KCNC1: variants seen among roughly 807,000 people sequenced by gnomAD.
KCNC1 encodes the protein potassium voltage-gated channel subfamily C member 1.
KCNC1 carries 8 observed loss-of-function variants against 43.4 expected under a neutral mutation model. The ratio of observed to expected loss-of-function variants is 0.18; its 90% CI spans 0.11 to 0.33. KCNC1 has a LOEUF of 0.33. Ranked by LOEUF, KCNC1 falls within the 10% of genes least tolerant of loss-of-function variation. The probability of loss-of-function intolerance (pLI) is 1.00; values close to 1 mark genes in which losing one functional copy is unlikely to be tolerated. For missense variants in KCNC1, 420 were observed against 836.0 expected, an observed-to-expected ratio of 0.50 and a Z score of 6.14; for synonymous variants, 361 against 360.5, an observed-to-expected ratio of 1.00 and a Z score of -0.01.
intron 1 of KCNC1, among the ~76,000 whole-genome samples, chr11:17,740,315 A>G (rs576621385): frequency 5.3e-5 from 8 of 152,190 alleles, no homozygotes; most frequent in South Asian, 2.1e-4. Context: ...GACAATGATG[A>G]TGGTGGTACT....
intron 2 of KCNC1, 51 bp downstream of exon 2, chr11:17,772,649 T>C: frequency 3.2e-6 from 5 of 1,586,162 alleles, no homozygotes; most frequent in Non-Finnish European, 4.3e-6. Flanking sequence ...CTCTGCCCCC[T>C]GTAGCGATGA....
At position 17,742,274 on chromosome 11, in the gene KCNC1, C is replaced by T. The variant is rs1250897097; in HGVS notation, c.570+5702C>T. 1.3e-5 allele frequency among the ~76,000 whole-genome samples: 2 copies of T among 150,276 alleles called. No individual in the cohort carries two copies. Among genetic ancestry groups the T allele is most frequent in the African/African-American group, 2.5e-5 (1 of 40,528 alleles). On this transcript the variant is annotated intron_variant, in intron 1 of 3. Coordinates refer to ENST00000265969, the MANE Select transcript of KCNC1 (RefSeq NM_001112741.2). This position sits in a 1 kb window ranked among gnomAD's most constrained non-coding sequence, Gnocchi z 4.2. ...CAGGAGGCCTGGCCTCTGCCAGAAG[C>T]TTTGGAGGGGATTGGCTGAAGTCTA... is the stretch of plus-strand genomic sequence containing the variant.
chr11:17,781,352 G>A lies in KCNC1; in HGVS notation c.1694-318G>A, dbSNP rs571684823. Reference sequence around the variant, plus strand: ...GAAGTGTCCCCACCTACATCCATTCGGCCCGCGCTCTCATGGAGCCACGAC... The same window carrying A: ...GAAGTGTCCCCACCTACATCCATTCAGCCCGCGCTCTCATGGAGCCACGAC... On this transcript the variant is annotated intron_variant, in intron 3 of 3. Transcript: ENST00000265969. The surrounding 1 kb of genome is among the most constrained non-coding windows in gnomAD (Gnocchi z 5.1). 2 of 316,754 alleles carry A rather than the reference G, an allele frequency of 6.3e-6. No individual in the cohort carries two copies. Among genetic ancestry groups the A allele is most frequent in the East Asian group, 7.0e-5 (1 of 14,308 alleles). 19.6% of individuals were successfully genotyped at this position (316,754 alleles called of 1,614,324 possible).
At chr11:17,740,008 G>C (rs1180983540) in intron 1 of KCNC1, among the ~76,000 whole-genome samples, 1 of 152,228 alleles carries the variant, frequency 6.6e-6, no homozygotes, top group South Asian at 2.1e-4. Context: ...CCTCAGTAGA[G>C]ATGCTTTTCT....
intron 1 of KCNC1, among the ~76,000 whole-genome samples, chr11:17,754,192 C>A (rs2299637): frequency 0.29 from 44,400 of 151,052 alleles, 6,797 homozygotes; most frequent in African/African-American, 0.37. Context: ...GTAGATACGG[C>A]TCTGCTCTCA....
Position 17,777,447 on chromosome 11 carries a change from C to T in KCNC1, c.1505-2009C>T, listed in dbSNP as rs557370937. The T allele has an allele frequency of 2.5e-4, 251 of 985,964 alleles. No homozygotes were observed. Among genetic ancestry groups the T allele is most frequent in the Non-Finnish European group, 2.8e-4 (233 of 829,990 alleles). The allele number at this position is 985,964 out of a possible 1,614,324, so 61.1% of individuals were successfully genotyped here. A position where few individuals can be genotyped will look rare whatever the true frequency, so the allele number is the denominator to read the frequency against. On this transcript the variant is annotated intron_variant, in intron 2 of 3. Transcript: ENST00000265969. The surrounding 1 kb of genome is among the most constrained non-coding windows in gnomAD (Gnocchi z 4.3). ...GGGCCTCAACCCCCACATCGTCATC[C>T]GCGTCCTCTCCATACTGTTTCCCTC...
Position 17,781,812 on chromosome 11 carries a change from A to C in KCNC1, c.*78A>C. 3.0e-6 allele frequency: 3 copies of C among 1,011,072 alleles called. No homozygotes were observed. Among genetic ancestry groups the C allele is most frequent in the Non-Finnish European group, 4.5e-6 (3 of 660,154 alleles). The allele number at this position is 1,011,072 out of a possible 1,614,324, so 62.6% of individuals were successfully genotyped here. On this transcript the variant is annotated 3_prime_UTR_variant, in exon 4 of 4. Transcript: ENST00000265969. This position sits in a 1 kb window ranked among gnomAD's most constrained non-coding sequence, Gnocchi z 5.1. Reference sequence around the variant, plus strand: ...GCAGCCCCTCCTCACCCTCGGACAGAGTAAATTCACGCCATGCAGGTTTGC... The same window carrying C: ...GCAGCCCCTCCTCACCCTCGGACAGCGTAAATTCACGCCATGCAGGTTTGC...
In KCNC1 at chr11:17,777,335, G is replaced by A. The variant is rs1202797796; in HGVS notation, c.1505-2121G>A. 3 of 985,718 alleles carry A rather than the reference G, an allele frequency of 3.0e-6. No individual in the cohort carries two copies. The highest frequency in any genetic ancestry group is 1.1e-4 in the East Asian group (1 of 8,792). 61.1% of individuals were successfully genotyped at this position (985,718 alleles called of 1,614,324 possible). ...GCAGAGGATGGCCAACAGAGACTCA[G>A]CAAGTCCTCACTCCCCTCCCAGAAG... is the stretch of plus-strand genomic sequence containing the variant. On this transcript the variant is annotated intron_variant, in intron 2 of 3. Coordinates refer to ENST00000265969, the MANE Select transcript of KCNC1 (RefSeq NM_001112741.2). This position sits in a 1 kb window ranked among gnomAD's most constrained non-coding sequence, Gnocchi z 4.3.
chr11:17,762,110 C>A (rs533796011), intron 1 of KCNC1, among the ~76,000 whole-genome samples: 1 of 152,342 alleles, frequency 6.6e-6, no homozygotes, highest in African/African-American at 2.4e-5. Flanking sequence ...GGGACACCCT[C>A]TCCCCTTTTA....
intron 2 of KCNC1, chr11:17,775,319 G>A (rs1049016847): frequency 5.3e-5 from 50 of 935,308 alleles, no homozygotes; most frequent in Non-Finnish European, 5.3e-5. Context: ...AGTGGTGCCA[G>A]CAGCACCTGC....
chr11:17,764,873 A>G lies in KCNC1; in HGVS notation c.571-6792A>G, dbSNP rs571784851. On this transcript the variant is annotated intron_variant, in intron 1 of 3. Coordinates refer to ENST00000265969, the MANE Select transcript of KCNC1 (RefSeq NM_001112741.2). ...GAGGCTAATTCAGTTTCTAAACCCA[A>G]CTCAACTGACAATTTATTTAGGACA... Among the ~76,000 whole-genome samples, 340 of 152,220 alleles carry G rather than the reference A, an allele frequency of 2.2e-3. 1 individual carries two copies. The highest frequency in any genetic ancestry group is 4.3e-3 in the Non-Finnish European group (290 of 68,002).
In KCNC1 at chr11:17,781,448, C is replaced by G. The variant is rs954063265; in HGVS notation, c.1694-222C>G. ...GCATGCAGGTGTGTGAGTCAATGTG[C>G]AGAGCAGAAGTAGGGACTCATCCCA... On this transcript the variant is annotated intron_variant, in intron 3 of 3. Coordinates refer to ENST00000265969, the MANE Select transcript of KCNC1 (RefSeq NM_001112741.2). This position sits in a 1 kb window ranked among gnomAD's most constrained non-coding sequence, Gnocchi z 5.1. The G allele has an allele frequency of 1.9e-6, 1 of 529,114 alleles. No individual in the cohort carries two copies. The highest frequency in any genetic ancestry group is 1.9e-5 in the African/African-American group (1 of 51,926). 32.8% of individuals were successfully genotyped at this position (529,114 alleles called of 1,614,324 possible).
intron 1 of KCNC1, among the ~76,000 whole-genome samples, chr11:17,740,260 C>T (rs1251008510): frequency 6.6e-6 from 1 of 152,144 alleles, no homozygotes; most frequent in Non-Finnish European, 1.5e-5. Context: ...AGGATGAGCT[C>T]CACGTGTGTT....
rs554710566 is a variant in KCNC1, at chr11:17,775,255, G to A, written c.1504+2657G>A. 9.7e-5 allele frequency: 96 copies of A among 985,606 alleles called. No homozygotes were observed. In the African/African-American group the frequency reaches 1.6e-3, roughly 16 times the overall value. The allele number at this position is 985,606 out of a possible 1,614,324, so 61.1% of individuals were successfully genotyped here. A position where few individuals can be genotyped will look rare whatever the true frequency, so the allele number is the denominator to read the frequency against. ...TTTTAAAACCAGAGTTAGGGGCTGT[G>A]TGTGGCACGCTGGGTTCTGAGGGCA... On this transcript the variant is annotated intron_variant, in intron 2 of 3. Transcript: ENST00000265969.
intron 1 of KCNC1, among the ~76,000 whole-genome samples, chr11:17,744,261 G>A (rs1848873913): frequency 6.6e-6 from 1 of 152,164 alleles, no homozygotes; most frequent in Non-Finnish European, 1.5e-5. Context: ...GCTTCCCAGA[G>A]GAGCTGGGGA....
rs1849297818 is a variant in KCNC1 at position 17,777,285 on chromosome 11, C to T, written c.1505-2171C>T. 1.0e-6 allele frequency: 1 copy of T among 985,714 alleles called. No individual in the cohort carries two copies. Among genetic ancestry groups the T allele is most frequent in the South Asian group, 4.7e-5 (1 of 21,296 alleles). 61.1% of individuals were successfully genotyped at this position (985,714 alleles called of 1,614,324 possible). ...TGACCCACCCCTCCCCAGGCAAGAA[C>T]TGCAGGCTGTGGACACCTCCCCTGG... On this transcript the variant is annotated intron_variant, in intron 2 of 3. Transcript: ENST00000265969. The surrounding 1 kb of genome is among the most constrained non-coding windows in gnomAD (Gnocchi z 4.3).
chr11:17,749,099 A>C (rs767210085), intron 1 of KCNC1, among the ~76,000 whole-genome samples: 1 of 152,168 alleles, frequency 6.6e-6, no homozygotes, highest in Non-Finnish European at 1.5e-5. Context: ...GCCACACTGG[A>C]GCCAGACTGC....
In KCNC1 at chr11:17,739,463, G is replaced by A. The variant is rs980337279; in HGVS notation, c.570+2891G>A. Among the ~76,000 whole-genome samples the A allele has an allele frequency of 6.6e-6, 1 of 151,706 alleles. No homozygotes were observed. Among genetic ancestry groups the A allele is most frequent in the Admixed American group, 6.6e-5 (1 of 15,200 alleles). ...TGTCAGGGGTTGTGTGTGTGAGAGA[G>A]GCGGATTCTGTGTTTTGGATGGACT... On this transcript the variant is annotated intron_variant, in intron 1 of 3. Coordinates refer to ENST00000265969, the MANE Select transcript of KCNC1 (RefSeq NM_001112741.2). This position sits in a 1 kb window ranked among gnomAD's most constrained non-coding sequence, Gnocchi z 4.2.
chr11:17,760,591 AAGGCCTCCCCT>A (rs1178586863), intron 1 of KCNC1, among the ~76,000 whole-genome samples: 1 of 152,150 alleles, frequency 6.6e-6, no homozygotes, highest in Non-Finnish European at 1.5e-5. Flanking sequence ...CACACTCCCT[AAGGCCTCCCCT>A]AGGGCCCTCT....
Sources: gnomAD v4.1 joint callset for allele counts (sites outside exome capture counted in the v4.1 genomes callset) on GRCh38, gnomAD v4.1.1 for gene constraint, Gnocchi (gnomAD v3.1) non-coding constraint, MANE v1.5 for transcripts, NCBI Gene and HGNC (gene_info 2026-07-23, HGNC 2026-07-21) for gene names.